Variants in RAB6B observed in about 807,000 individuals in gnomAD.
The protein encoded by RAB6B is RAB6B, member RAS oncogene family, also known as ras-related protein Rab-6B.
In RAB6B, 7 loss-of-function variants were observed where a neutral mutation model predicts 31.2. The ratio of observed to expected loss-of-function variants is 0.22; its 90% CI spans 0.13 to 0.42. The LOEUF (loss-of-function observed/expected upper bound fraction) is 0.42, where lower values mean the gene tolerates loss of function less well. Ranked by LOEUF, RAB6B falls within the 10% of genes least tolerant of loss-of-function variation. The pLI, the probability that RAB6B is intolerant of heterozygous loss-of-function variation, is 1.00. For missense variants in RAB6B, 149 were observed against 280.6 expected (o/e 0.53, Z 3.35); for synonymous variants, 105 against 104.9 (o/e 1.00, Z -0.01).
Position 133,829,054 on chromosome 3 carries a change from G to A in RAB6B, c.563-202C>T, listed in dbSNP as rs367975693. On this transcript the variant is annotated intron_variant, in intron 7 of 7. Transcript: ENST00000285208. ...CCTTCACCCGTCCACTTCCCCCAGC[G>A]CCTGTCCACCCAAGCAAAGCCTGTC... Among the ~76,000 whole-genome samples, 71 of 152,186 alleles carry A rather than the reference G, an allele frequency of 4.7e-4. No homozygotes were observed. In the South Asian group the frequency reaches 0.013, roughly 28 times the overall value.
intron 1 of RAB6B, among the ~76,000 whole-genome samples, chr3:133,875,270 A>ATG (rs1214923040): frequency 8.1e-6 from 1 of 123,850 alleles, no homozygotes; most frequent in East Asian, 2.1e-4. Context: ...TCACAGTTAC[A>ATG]CGTGTGTGTG....
At chr3:133,862,102 G>A (rs1936168442) in intron 2 of RAB6B, among the ~76,000 whole-genome samples, 1 of 151,674 alleles carries the variant, frequency 6.6e-6, no homozygotes, top group Non-Finnish European at 1.5e-5. Flanking sequence ...AAGAGCACTG[G>A]GAAAGGAATT....
intron 2 of RAB6B, among the ~76,000 whole-genome samples, chr3:133,857,561 G>A (rs1033280587): frequency 9.9e-5 from 15 of 152,036 alleles, no homozygotes; most frequent in African/African-American, 3.1e-4. Flanking sequence ...GGGGACGTGC[G>A]GCATTTTAGA....
chr3:133,895,329 A>G (rs921122532), intron 1 of RAB6B, 68 bp downstream of exon 1: 8 of 1,534,876 alleles, frequency 5.2e-6, no homozygotes, highest in East Asian at 2.3e-5. Context: ...GGGGGTCCCA[A>G]TGGGGTGGGC....
chr3:133,879,081 G>A (rs540200943), intron 1 of RAB6B, among the ~76,000 whole-genome samples: 1 of 152,202 alleles, frequency 6.6e-6, no homozygotes, highest in Non-Finnish European at 1.5e-5. Flanking sequence ...CTGAGGCTCA[G>A]CTTTCTTCAT....
chr3:133,884,901 C>T (rs1290007912), intron 1 of RAB6B, among the ~76,000 whole-genome samples: 6 of 87,588 alleles, frequency 6.9e-5, no homozygotes, highest in Non-Finnish European at 1.1e-4. Context: ...AATCAGAGGA[C>T]GGGGGGGCTT....
chr3:133,886,752 T>G (rs1317664142), intron 1 of RAB6B, among the ~76,000 whole-genome samples: 3 of 152,190 alleles, frequency 2.0e-5, no homozygotes, highest in East Asian at 1.9e-4. Flanking sequence ...GCACCCTACT[T>G]CTGCAATGAG....
In RAB6B at chr3:133,895,548, G is replaced by A; in HGVS notation, c.-82C>T. On this transcript the variant is annotated 5_prime_UTR_variant, in exon 1 of 8. Coordinates refer to ENST00000285208, the MANE Select transcript of RAB6B (RefSeq NM_016577.4). ...GGGGAGAGTAGGAGGGCGAGGGGAG[G>A]CGGCCGGCGGTGCGGGAGCCGGAGG... 2 of 1,441,460 alleles carry A rather than the reference G, an allele frequency of 1.4e-6. No individual in the cohort carries two copies. Among genetic ancestry groups the A allele is most frequent in the Non-Finnish European group, 1.9e-6 (2 of 1,039,338 alleles). The allele number at this position is 1,441,460 out of a possible 1,614,324, so 89.3% of individuals were successfully genotyped here.
At chr3:133,837,310 T>C (rs1304246955) in intron 6 of RAB6B, among the ~76,000 whole-genome samples, 1 of 152,130 alleles carries the variant, frequency 6.6e-6, no homozygotes. Flanking sequence ...TAAAACTTCA[T>C]CGACATTTGT....
chr3:133,877,810 C>T (rs1247497265), intron 1 of RAB6B, among the ~76,000 whole-genome samples: 2 of 148,040 alleles, frequency 1.4e-5, no homozygotes, highest in African/African-American at 4.9e-5. Context: ...ATGCTATATA[C>T]TATATGTTAG....
Position 133,838,271 on chromosome 3 carries a change from G to C in RAB6B, c.402-12C>G. 6.2e-7 allele frequency: 1 copy of C among 1,609,670 alleles called. No homozygotes were observed. Among genetic ancestry groups the C allele is most frequent in the African/African-American group, 1.3e-5 (1 of 74,950 alleles). ...CGATGGTTATCTGCCTAGAGATGAGGGGAAGGGGGGAAATCAGCTCAGCAG... is the reference window on the plus strand; with the variant it reads ...CGATGGTTATCTGCCTAGAGATGAGCGGAAGGGGGGAAATCAGCTCAGCAG... On this transcript the variant is annotated splice_polypyrimidine_tract_variant and intron_variant, in intron 5 of 7. Transcript: ENST00000285208.
intron 1 of RAB6B, among the ~76,000 whole-genome samples, chr3:133,870,309 C>T (rs543742471): frequency 3.9e-5 from 6 of 152,252 alleles, no homozygotes; most frequent in Non-Finnish European, 5.9e-5. Context: ...TGGGGGAAAC[C>T]GCCCCCATGA....
At chr3:133,865,548 C>A (rs1208853265) in intron 1 of RAB6B, among the ~76,000 whole-genome samples, 1 of 152,244 alleles carries the variant, frequency 6.6e-6, no homozygotes, top group Non-Finnish European at 1.5e-5. Context: ...TGCACGGATG[C>A]CTGTCTGTAC....
chr3:133,833,375 G>A (rs190184421), intron 7 of RAB6B, among the ~76,000 whole-genome samples: 1 of 152,188 alleles, frequency 6.6e-6, no homozygotes, highest in African/African-American at 2.4e-5. Flanking sequence ...TTGTCCTCTG[G>A]TGACACACAG....
At chr3:133,884,651 C>T (rs1936513502) in intron 1 of RAB6B, among the ~76,000 whole-genome samples, 1 of 152,162 alleles carries the variant, frequency 6.6e-6, no homozygotes, top group Admixed American at 6.5e-5. Flanking sequence ...CATAACAGGG[C>T]TAGGGGGCCT....
intron 2 of RAB6B, among the ~76,000 whole-genome samples, chr3:133,843,201 C>T (rs1935862198): frequency 6.6e-6 from 1 of 151,962 alleles, no homozygotes; most frequent in East Asian, 1.9e-4. Flanking sequence ...ACCTTAGATA[C>T]AATCCAATCA....
intron 1 of RAB6B, among the ~76,000 whole-genome samples, chr3:133,884,346 C>T (rs745973330): frequency 6.6e-6 from 1 of 152,234 alleles, no homozygotes; most frequent in African/African-American, 2.4e-5. Flanking sequence ...AGGCTGCCTT[C>T]TCTGGGTTAG....
At chr3:133,894,012 C>A (rs1164729752) in intron 1 of RAB6B, among the ~76,000 whole-genome samples, 1 of 152,220 alleles carries the variant, frequency 6.6e-6, no homozygotes, top group Non-Finnish European at 1.5e-5. Context: ...CTTCTAACGT[C>A]CTTCTCTGAA....
intron 1 of RAB6B, among the ~76,000 whole-genome samples, chr3:133,878,180 C>T (rs1380350218): frequency 5.3e-5 from 8 of 151,946 alleles, no homozygotes; most frequent in African/African-American, 1.9e-4. Flanking sequence ...AACTATACAT[C>T]CACAGATTCA....
Sources: gnomAD v4.1 joint callset for allele counts (sites outside exome capture counted in the v4.1 genomes callset) on GRCh38, gnomAD v4.1.1 for gene constraint, MANE v1.5 for transcripts, NCBI Gene and HGNC (gene_info 2026-07-23, HGNC 2026-07-21) for gene names.